CNOT2: variants seen among roughly 807,000 people sequenced by gnomAD.
The protein encoded by CNOT2 is CC chemokine receptor 4-negative regulator of transcription 2.
CNOT2 carries 7 observed loss-of-function variants against 72.1 expected under a neutral mutation model. The ratio of observed to expected loss-of-function variants is 0.10; its 90% confidence interval spans 0.06 to 0.18. CNOT2 has a LOEUF of 0.18. Ranked by LOEUF, CNOT2 falls within the 10% of genes least tolerant of loss-of-function variation. The pLI is 1.00. For synonymous variants in CNOT2, 196 were observed against 225.6 expected, an observed-to-expected ratio of 0.87 and a Z score of 1.17; for missense variants, 345 against 660.3, an observed-to-expected ratio of 0.52 and a Z score of 5.23.
At chr12:70,345,477 C>T (rs1882048513) in intron 14 of CNOT2, 1 of 152,040 alleles carries the variant, frequency 6.6e-6, no homozygotes, top group Admixed American at 6.5e-5. Flanking sequence ...TTATTTATGT[C>T]TTAAAAACTA....
chr12:70,291,953 A>G (rs903988942), intron 2 of CNOT2, among the ~76,000 whole-genome samples: 4 of 152,136 alleles, frequency 2.6e-5, no homozygotes, highest in African/African-American at 9.7e-5. Context: ...ACAAAACAAA[A>G]CAACACCACG....
intron 3 of CNOT2, among the ~76,000 whole-genome samples, chr12:70,318,731 T>C (rs1344932488): frequency 6.6e-6 from 1 of 151,840 alleles, no homozygotes. Context: ...AATTAGGATG[T>C]TTTGATGGTT....
intron 1 of CNOT2, among the ~76,000 whole-genome samples, chr12:70,259,053 AC>A (rs1203559871): frequency 6.6e-6 from 1 of 152,230 alleles, no homozygotes; most frequent in African/African-American, 2.4e-5. Flanking sequence ...CACAGTTGTT[AC>A]ACGAGGTTAG....
intron 11 of CNOT2, 150 bp from the exon 12 acceptor site, chr12:70,341,957 T>G (rs1466090220): frequency 1.2e-5 from 8 of 652,530 alleles, no homozygotes; most frequent in Non-Finnish European, 8.3e-6. Flanking sequence ...CACACAGTCT[T>G]CATTTGCTTC....
chr12:70,325,815 T>C (rs918219764), intron 4 of CNOT2, among the ~76,000 whole-genome samples: 1 of 151,840 alleles, frequency 6.6e-6, no homozygotes, highest in African/African-American at 2.4e-5. Context: ...AAGGCATCAG[T>C]TAAGGACTAC....
intron 2 of CNOT2, among the ~76,000 whole-genome samples, chr12:70,282,214 A>G (rs1869990508): frequency 6.6e-6 from 1 of 152,200 alleles, no homozygotes; most frequent in Admixed American, 6.5e-5. Flanking sequence ...AGGTATTTGC[A>G]AGATATTTAG....
At chr12:70,265,708 G>T (rs1366624286) in intron 1 of CNOT2, among the ~76,000 whole-genome samples, 1 of 151,532 alleles carries the variant, frequency 6.6e-6, no homozygotes, top group Non-Finnish European at 1.5e-5. Context: ...AGGTTTTTGA[G>T]ATGTAAGCTT....
intron 4 of CNOT2, among the ~76,000 whole-genome samples, chr12:70,326,659 C>T (rs1181332863): frequency 6.6e-6 from 1 of 151,546 alleles, no homozygotes; most frequent in African/African-American, 2.4e-5. Context: ...TTATATATAC[C>T]TTTCCAGTGC....
At chr12:70,340,600 A>G (rs950967162) in intron 11 of CNOT2, among the ~76,000 whole-genome samples, 1 of 152,182 alleles carries the variant, frequency 6.6e-6, no homozygotes, top group Non-Finnish European at 1.5e-5. Flanking sequence ...GAAACTTGGC[A>G]TTATTCTTAA....
rs1871677759 is a variant in CNOT2, at chr12:70,290,377, CT to C, written c.48+12104del. 3.3e-5 allele frequency among the ~76,000 whole-genome samples: 5 copies of C among 152,236 alleles called. No homozygotes were observed. In the South Asian group the frequency reaches 1.0e-3, roughly 32 times the overall value. On this transcript the variant is annotated intron_variant, in intron 2 of 15. Transcript: ENST00000229195. ...TGTTTAGTATCCCAGCCTATTCTGG[CT>C]GCCTTTAATTGCCCTCTTCTCCACT...
intron 2 of CNOT2, among the ~76,000 whole-genome samples, chr12:70,306,370 T>C (rs1223857260): frequency 6.6e-6 from 1 of 152,140 alleles, no homozygotes; most frequent in Non-Finnish European, 1.5e-5. Flanking sequence ...TTGGCCAGGC[T>C]GGTCTTGAAC....
chr12:70,309,132 AGGGAGCTGGT>A (rs1284177516), intron 2 of CNOT2, among the ~76,000 whole-genome samples: 1 of 152,148 alleles, frequency 6.6e-6, no homozygotes, highest in Non-Finnish European at 1.5e-5. Flanking sequence ...GGGACTACTT[AGGGAGCTGGT>A]GGATAGGCAT....
intron 14 of CNOT2, chr12:70,345,247 A>G (rs1882020943): frequency 6.6e-6 from 1 of 152,188 alleles, no homozygotes; most frequent in African/African-American, 2.4e-5. Flanking sequence ...TAACATTTCT[A>G]TAAATGGCTT....
intron 1 of CNOT2, among the ~76,000 whole-genome samples, chr12:70,255,875 A>G (rs1415764104): frequency 6.6e-6 from 1 of 152,198 alleles, no homozygotes; most frequent in Non-Finnish European, 1.5e-5. Flanking sequence ...AATATAAAAC[A>G]TGAACTTCTA....
intron 3 of CNOT2, among the ~76,000 whole-genome samples, chr12:70,314,641 A>T (rs949514288): frequency 2.6e-5 from 4 of 152,182 alleles, no homozygotes; most frequent in African/African-American, 7.2e-5. Context: ...GTGTTTAAGG[A>T]ATTAAGTACA....
At chr12:70,339,724 A>G (rs1260083143) in intron 11 of CNOT2, among the ~76,000 whole-genome samples, 1 of 152,062 alleles carries the variant, frequency 6.6e-6, no homozygotes, top group African/African-American at 2.4e-5. Flanking sequence ...ACTATCGTAC[A>G]CTTCTGCATG....
intron 1 of CNOT2, among the ~76,000 whole-genome samples, chr12:70,260,470 C>T (rs991974244): frequency 3.3e-5 from 5 of 151,902 alleles, no homozygotes; most frequent in Admixed American, 2.6e-4. Flanking sequence ...TTAATTTTGG[C>T]GTATTGATTT....
intron 1 of CNOT2, among the ~76,000 whole-genome samples, chr12:70,262,663 AT>A (rs200486874): frequency 2.1e-5 from 3 of 142,670 alleles, no homozygotes; most frequent in South Asian, 4.5e-4. Context: ...ATTTTGCCTT[AT>A]TTTTTTTTCC....
intron 1 of CNOT2, among the ~76,000 whole-genome samples, chr12:70,277,194 T>C (rs569252423): frequency 1.3e-5 from 2 of 152,110 alleles, no homozygotes; most frequent in Non-Finnish European, 2.9e-5. Flanking sequence ...TACTACTTCC[T>C]TAGGGAGAAT....
Sources: gnomAD v4.1 joint callset for allele counts (sites outside exome capture counted in the v4.1 genomes callset) on GRCh38, gnomAD v4.1.1 for gene constraint, MANE v1.5 for transcripts, NCBI Gene and HGNC (gene_info 2026-07-23, HGNC 2026-07-21) for gene names.